Variants in ZDHHC20 observed in about 807,000 individuals in gnomAD.
The protein encoded by ZDHHC20 is palmitoyltransferase ZDHHC20.
In ZDHHC20, 43 loss-of-function variants were observed where a neutral mutation model predicts 57.8. That is an observed-to-expected ratio of 0.74 (90% CI 0.58 to 0.96). The LOEUF (loss-of-function observed/expected upper bound fraction) is 0.96, where lower values mean the gene tolerates loss of function less well. ZDHHC20 is among the 40% of genes least tolerant of loss of function. ZDHHC20 has a pLI of 0.00. For synonymous variants in ZDHHC20, 157 were observed against 153.0 expected (o/e 1.03, Z -0.19); for missense variants, 391 against 441.1 (o/e 0.89, Z 1.02).
intron 1 of ZDHHC20, among the ~76,000 whole-genome samples, chr13:21,449,320 T>A (rs971200649): frequency 1.3e-5 from 2 of 152,242 alleles, no homozygotes; most frequent in Non-Finnish European, 2.9e-5. Flanking sequence ...AGCTGGAATG[T>A]TTCTCTACTA....
At chr13:21,448,120 G>A (rs1188404888) in intron 1 of ZDHHC20, among the ~76,000 whole-genome samples, 11 of 141,856 alleles carry the variant, frequency 7.8e-5, no homozygotes, top group African/African-American at 2.3e-4. Context: ...GAGCCTCTCC[G>A]CCCGGCAGCC....
At chr13:21,452,266 G>A (rs1037245244) in intron 1 of ZDHHC20, among the ~76,000 whole-genome samples, 4 of 152,090 alleles carry the variant, frequency 2.6e-5, no homozygotes, top group Admixed American at 2.6e-4. Context: ...TTCAAAAAAC[G>A]GATTGTTGTG....
chr13:21,442,561 C>G lies in ZDHHC20; in HGVS notation c.118+16493G>C, dbSNP rs568435928. 1.2e-4 allele frequency among the ~76,000 whole-genome samples: 19 copies of G among 152,184 alleles called. No homozygotes were observed. In the South Asian group the frequency reaches 2.3e-3, roughly 18 times the overall value. ...CTTGGGGTCAGGAGTTCAAGACCAG[C>G]CTGGCCAACATGGTGAAACCCTGTC... On this transcript the variant is annotated intron_variant, in intron 1 of 12. Transcript: ENST00000400590.
chr13:21,428,779 GA>G (rs1881584248), intron 1 of ZDHHC20, among the ~76,000 whole-genome samples: 1 of 151,934 alleles, frequency 6.6e-6, no homozygotes, highest in Non-Finnish European at 1.5e-5. Context: ...AGAATCGCCT[GA>G]ACCTGGGAGG....
intron 1 of ZDHHC20, among the ~76,000 whole-genome samples, chr13:21,455,368 A>G (rs1182675887): frequency 6.6e-6 from 1 of 152,220 alleles, no homozygotes; most frequent in Non-Finnish European, 1.5e-5. Flanking sequence ...AGATATTCTG[A>G]TAAAACCTTG....
chr13:21,436,161 T>A (rs978525318), intron 1 of ZDHHC20, among the ~76,000 whole-genome samples: 1 of 152,198 alleles, frequency 6.6e-6, no homozygotes, highest in Non-Finnish European at 1.5e-5. Flanking sequence ...GGTGGTCTAA[T>A]AGAATATTAA....
chr13:21,458,978 G>T, intron 1 of ZDHHC20, 76 bp downstream of exon 1: 1 of 1,122,716 alleles, frequency 8.9e-7, no homozygotes, highest in Non-Finnish European at 1.2e-6. Context: ...AAGGCGGCGG[G>T]TGTGGGGCGC....
At chr13:21,452,448 G>C (rs999434231) in intron 1 of ZDHHC20, among the ~76,000 whole-genome samples, 1 of 152,068 alleles carries the variant, frequency 6.6e-6, no homozygotes, top group Non-Finnish European at 1.5e-5. Flanking sequence ...CAGCTGACTT[G>C]CACTACAATA....
chr13:21,455,240 A>G (rs1464789248), intron 1 of ZDHHC20, among the ~76,000 whole-genome samples: 1 of 152,168 alleles, frequency 6.6e-6, no homozygotes, highest in African/African-American at 2.4e-5. Flanking sequence ...TTTGAGCAAT[A>G]GTTTCATCAG....
At chr13:21,409,305 A>G (rs1878883195) in intron 4 of ZDHHC20, among the ~76,000 whole-genome samples, 1 of 152,208 alleles carries the variant, frequency 6.6e-6, no homozygotes, top group African/African-American at 2.4e-5. Flanking sequence ...TGGTCAATTC[A>G]GGGATTCCAC....
At chr13:21,453,597 T>C (rs943737058) in intron 1 of ZDHHC20, among the ~76,000 whole-genome samples, 2 of 152,150 alleles carry the variant, frequency 1.3e-5, no homozygotes, top group African/African-American at 4.8e-5. Flanking sequence ...CCTGAATACA[T>C]TTTAAAGGAT....
At chr13:21,440,215 CAT>C (rs1883003618) in intron 1 of ZDHHC20, among the ~76,000 whole-genome samples, 1 of 151,854 alleles carries the variant, frequency 6.6e-6, no homozygotes. Context: ...TGACAAAGCA[CAT>C]ATGACAAATA....
intron 1 of ZDHHC20, among the ~76,000 whole-genome samples, chr13:21,453,787 C>G (rs913523370): frequency 1.3e-5 from 2 of 152,104 alleles, no homozygotes; most frequent in Non-Finnish European, 2.9e-5. Flanking sequence ...GCCGAGATTG[C>G]GCCATTGCAC....
At chr13:21,426,118 C>T (rs1881213958) in intron 1 of ZDHHC20, among the ~76,000 whole-genome samples, 2 of 152,188 alleles carry the variant, frequency 1.3e-5, no homozygotes, top group South Asian at 4.2e-4. Flanking sequence ...AGGAACTTAC[C>T]CTGCTAATTT....
intron 9 of ZDHHC20, among the ~76,000 whole-genome samples, chr13:21,387,101 G>A (rs1381487048): frequency 6.6e-6 from 1 of 152,092 alleles, no homozygotes; most frequent in Non-Finnish European, 1.5e-5. Flanking sequence ...ATTTACATTT[G>A]GGGTAAAATT....
At chr13:21,449,255 A>C (rs1306281873) in intron 1 of ZDHHC20, among the ~76,000 whole-genome samples, 5 of 152,326 alleles carry the variant, frequency 3.3e-5, no homozygotes, top group Non-Finnish European at 5.9e-5. Context: ...AAAAATAAAC[A>C]ACCACTGTTC....
intron 8 of ZDHHC20, among the ~76,000 whole-genome samples, chr13:21,388,177 G>A (rs1435818777): frequency 2.0e-5 from 3 of 152,154 alleles, no homozygotes; most frequent in African/African-American, 7.2e-5. Context: ...TGTAGGGAAA[G>A]GTGAGCAAGC....
chr13:21,401,361 T>C (rs889826864), intron 6 of ZDHHC20, among the ~76,000 whole-genome samples: 2 of 152,214 alleles, frequency 1.3e-5, no homozygotes, highest in African/African-American at 4.8e-5. Context: ...AAATGGGTCA[T>C]CTGGGAAGTT....
chr13:21,431,951 A>G (rs1376787937), intron 1 of ZDHHC20, among the ~76,000 whole-genome samples: 1 of 152,100 alleles, frequency 6.6e-6, no homozygotes, highest in African/African-American at 2.4e-5. Context: ...CTTAATTTTG[A>G]TGAAGTCTTA....
Sources: gnomAD v4.1 joint callset for allele counts (sites outside exome capture counted in the v4.1 genomes callset) on GRCh38, gnomAD v4.1.1 for gene constraint, MANE v1.5 for transcripts, NCBI Gene and HGNC (gene_info 2026-07-23, HGNC 2026-07-21) for gene names.